Variants in PPAT observed in about 807,000 individuals in gnomAD.
The protein encoded by PPAT is amidophosphoribosyltransferase.
A neutral mutation model predicts 60.2 loss-of-function variants in PPAT; 20 were observed. The ratio of observed to expected loss-of-function variants is 0.33; its 90% CI spans 0.23 to 0.48. PPAT has a LOEUF of 0.48. Ranked by LOEUF, PPAT falls within the 20% of genes least tolerant of loss-of-function variation. PPAT has a pLI of 0.99. For synonymous variants in PPAT, 194 were observed against 215.1 expected (o/e 0.90, Z 0.86); for missense variants, 349 against 629.6 (o/e 0.55, Z 4.77).
At chr4:56,421,294 G>A (rs113642374) in intron 1 of PPAT, 159 of 156,974 alleles carry the variant, frequency 1.0e-3, no homozygotes, top group Middle Eastern at 3.2e-3. Flanking sequence ...AACAAGCTCC[G>A]GGCTCCCACT....
chr4:56,429,979 C>A (rs958427731), intron 1 of PPAT, among the ~76,000 whole-genome samples: 1 of 152,062 alleles, frequency 6.6e-6, no homozygotes, highest in African/African-American at 2.4e-5. Flanking sequence ...TACATCCCAG[C>A]CAGGTGCAGT....
chr4:56,398,058 AG>A (rs1022201703), intron 9 of PPAT, among the ~76,000 whole-genome samples: 8 of 151,722 alleles, frequency 5.3e-5, no homozygotes, highest in African/African-American at 1.9e-4. Flanking sequence ...AAAGAAAAAA[AG>A]GCATAAAGTG....
chr4:56,405,701 A>G (rs1716225289), intron 3 of PPAT, among the ~76,000 whole-genome samples: 1 of 152,230 alleles, frequency 6.6e-6, no homozygotes, highest in South Asian at 2.1e-4. Context: ...AGGGCATGGA[A>G]GCTCCACACT....
chr4:56,422,619 T>C (rs1040749559), intron 1 of PPAT: 5 of 152,194 alleles, frequency 3.3e-5, no homozygotes, highest in South Asian at 2.1e-4. Flanking sequence ...CCCAATGTGA[T>C]GTATTTGGAG....
In PPAT at chr4:56,433,982, G is replaced by A. The variant is rs1238767419; in HGVS notation, c.128+1368C>T. Among the ~76,000 whole-genome samples the A allele has an allele frequency of 2.6e-5, 4 of 152,072 alleles. No individual in the cohort carries two copies. In the East Asian group the frequency reaches 7.7e-4, roughly 29 times the overall value. On this transcript the variant is annotated intron_variant, in intron 1 of 10. Transcript: ENST00000264220. ...TGGGATTACAGGCGTGAGCCACCGC[G>A]CCTGGCCATAGTTTCTAAGAATGTT... is the stretch of plus-strand genomic sequence containing the variant.
rs574801238 is a variant in PPAT, at chr4:56,407,787, A to AT, written c.129-72dup. 476 of 1,200,644 alleles carry AT rather than the reference A, an allele frequency of 4.0e-4. 1 individual carries two copies. The highest frequency in any genetic ancestry group is 3.9e-3 in the African/African-American group (264 of 66,986). The allele number at this position is 1,200,644 out of a possible 1,614,324, so 74.4% of individuals were successfully genotyped here. A position where few individuals can be genotyped will look rare whatever the true frequency, so the allele number is the denominator to read the frequency against. ...AGCTTCTTGAAGAACTTTATCAAGC[A>AT]TACTTTCTCAACAAGCATCCATGAA... On this transcript the variant is annotated intron_variant, in intron 1 of 10. Coordinates refer to ENST00000264220, the MANE Select transcript of PPAT (RefSeq NM_002703.5).
rs559498640 is a variant in PPAT, at chr4:56,404,473, CA to C, written c.403-1073del. 7.2e-5 allele frequency among the ~76,000 whole-genome samples: 11 copies of C among 152,224 alleles called. No homozygotes were observed. In the South Asian group the frequency reaches 1.9e-3, roughly 26 times the overall value. On this transcript the variant is annotated intron_variant, in intron 3 of 10. Coordinates refer to ENST00000264220, the MANE Select transcript of PPAT (RefSeq NM_002703.5). ...TCTATGATAATTACAAAGTTCTGAG[CA>C]GGACTGACCAAGACAAGGGCAGCCC...
At chr4:56,431,626 T>C (rs1018128964) in intron 1 of PPAT, 1 of 504,890 alleles carries the variant, frequency 2.0e-6, no homozygotes, top group Non-Finnish European at 2.6e-6. Flanking sequence ...GAAGTGATAA[T>C]TCATTGAATG....
intron 1 of PPAT, chr4:56,416,392 A>G: frequency 1.1e-6 from 1 of 906,490 alleles, no homozygotes; most frequent in Non-Finnish European, 1.3e-6. Context: ...AAGATGTCTC[A>G]GGAAATCCTT....
At chr4:56,409,546 G>A (rs938967858) in intron 1 of PPAT, among the ~76,000 whole-genome samples, 5 of 152,168 alleles carry the variant, frequency 3.3e-5, no homozygotes, top group Non-Finnish European at 7.3e-5. Context: ...CATTAGTGTT[G>A]ATTAAGTGGT....
rs1348128647 is a variant in PPAT at position 56,419,821 on chromosome 4, TAGACAG to T, written c.129-12111_129-12106del. 3.6e-5 allele frequency: 35 copies of T among 984,210 alleles called. No individual in the cohort carries two copies. In the East Asian group the frequency reaches 2.5e-3, roughly 70 times the overall value. The allele number at this position is 984,210 out of a possible 1,614,324, so 61.0% of individuals were successfully genotyped here. A position where few individuals can be genotyped will look rare whatever the true frequency, so the allele number is the denominator to read the frequency against. On this transcript the variant is annotated intron_variant, in intron 1 of 10. Coordinates refer to ENST00000264220, the MANE Select transcript of PPAT (RefSeq NM_002703.5). ...GCAGCCAAGCTTCAGAAATTTGGAA[TAGACAG>T]AGACTGGAAACAGTGCAGAACAAAA...
At chr4:56,429,735 A>T (rs1007782029) in intron 1 of PPAT, among the ~76,000 whole-genome samples, 5 of 152,184 alleles carry the variant, frequency 3.3e-5, no homozygotes, top group Admixed American at 1.3e-4. Flanking sequence ...CACCAAATCC[A>T]CCATTCAGGA....
Position 56,402,256 on chromosome 4 carries a change from T to C in PPAT, c.662-75A>G. On this transcript the variant is annotated intron_variant, in intron 5 of 10. Coordinates refer to ENST00000264220, the MANE Select transcript of PPAT (RefSeq NM_002703.5). ...GCTATTTCAATGGAACAGCTAACAC[T>C]AAATAAATAAGTAAATAAAACTCAT... 5.7e-6 allele frequency: 6 copies of C among 1,057,442 alleles called. No individual in the cohort carries two copies. In the South Asian group the frequency reaches 7.4e-5, roughly 13 times the overall value. 65.5% of individuals were successfully genotyped at this position (1,057,442 alleles called of 1,614,324 possible).
intron 1 of PPAT, among the ~76,000 whole-genome samples, chr4:56,432,452 G>T (rs2110070393): frequency 6.7e-6 from 1 of 149,356 alleles, no homozygotes; most frequent in Non-Finnish European, 1.5e-5. Flanking sequence ...CTTGAACTTG[G>T]GAAACGGAGG....
chr4:56,411,962 G>C (rs1716484543), intron 1 of PPAT, among the ~76,000 whole-genome samples: 1 of 152,152 alleles, frequency 6.6e-6, no homozygotes, highest in African/African-American at 2.4e-5. Flanking sequence ...ACCAAATTCT[G>C]AGAAAGCTTT....
intron 1 of PPAT, chr4:56,419,700 C>A (rs1275839803): frequency 4.1e-6 from 4 of 982,152 alleles, no homozygotes; most frequent in Non-Finnish European, 4.8e-6. Context: ...CTGGACTGTG[C>A]CAGAAGTCAG....
At chr4:56,402,820 C>CAAAAAAA (rs556899549) in intron 5 of PPAT, among the ~76,000 whole-genome samples, 15 of 44,028 alleles carry the variant, frequency 3.4e-4, no homozygotes, top group African/African-American at 1.4e-3. Context: ...ACTCGGTCTC[C>CAAAAAAA]AAAAAAAAAA....
intron 8 of PPAT, 49 bp downstream of exon 8, chr4:56,400,735 T>A: frequency 1.3e-6 from 2 of 1,537,100 alleles, no homozygotes; most frequent in Non-Finnish European, 1.8e-6. Context: ...GGGTTTCTTA[T>A]TCCACAGCTG....
rs765722203 is a variant in PPAT, at chr4:56,395,346, T to G, written c.*6A>C. 15 of 1,592,318 alleles carry G rather than the reference T, an allele frequency of 9.4e-6. No individual in the cohort carries two copies. The Admixed American group carries it at 2.6e-4, about 28-fold the overall frequency. Reference sequence around the variant, plus strand: ...TCTTGAAACTACACACATCCAACCCTACCAGCTACCATTCTAATTCTACAG... The same window carrying G: ...TCTTGAAACTACACACATCCAACCCGACCAGCTACCATTCTAATTCTACAG... On this transcript the variant is annotated 3_prime_UTR_variant, in exon 11 of 11. Transcript: ENST00000264220.
Sources: gnomAD v4.1 joint callset for allele counts (sites outside exome capture counted in the v4.1 genomes callset) on GRCh38, gnomAD v4.1.1 for gene constraint, MANE v1.5 for transcripts, NCBI Gene and HGNC (gene_info 2026-07-23, HGNC 2026-07-21) for gene names.